Variants in ZNF280C observed in about 807,000 individuals in gnomAD.
The protein encoded by ZNF280C is suppressor of hairy wing homolog 3.
A neutral mutation model predicts 53.6 loss-of-function variants in ZNF280C; 14 were observed. The ratio of observed to expected loss-of-function variants is 0.26; its 90% confidence interval spans 0.17 to 0.41. The LOEUF (loss-of-function observed/expected upper bound fraction) is 0.41, where lower values mean the gene tolerates loss of function less well. Among genes scored for constraint, ZNF280C ranks in the 10% least tolerant of loss-of-function variants. The pLI is 1.00. For missense variants in ZNF280C, 416 were observed against 547.1 expected, an observed-to-expected ratio of 0.76 and a Z score of 2.39; for synonymous variants, 203 against 181.1, an observed-to-expected ratio of 1.12 and a Z score of -0.97.
intron 8 of ZNF280C, among the ~76,000 whole-genome samples, chrX:130,232,805 A>AT (rs1193391100): frequency 8.9e-6 from 1 of 112,170 alleles, no homozygotes; most frequent in Non-Finnish European, 1.9e-5. Flanking sequence ...TAGAACTACC[A>AT]TATGATCCAG....
intron 1 of ZNF280C, among the ~76,000 whole-genome samples, chrX:130,263,778 G>A (rs2032656044): frequency 9.0e-6 from 1 of 111,000 alleles, no homozygotes; most frequent in South Asian, 3.8e-4. Flanking sequence ...TGTAATCCCA[G>A]CACTTTGGGA....
intron 5 of ZNF280C, among the ~76,000 whole-genome samples, chrX:130,243,106 A>G (rs888251229): frequency 8.9e-6 from 1 of 112,345 alleles, no homozygotes; most frequent in Non-Finnish European, 1.9e-5. Flanking sequence ...GAGTTATATC[A>G]TAAAGATGGG....
At chrX:130,230,348 T>C (rs1404002893) in intron 9 of ZNF280C, among the ~76,000 whole-genome samples, 162 bp downstream of exon 9, 1 of 111,654 alleles carries the variant, frequency 9.0e-6, no homozygotes, top group Non-Finnish European at 1.9e-5. Context: ...ACTCTTAAAA[T>C]ACAAGAAGGA....
chrX:130,219,486 C>CAA lies in ZNF280C; in HGVS notation c.1527+861_1527+862dup, dbSNP rs11299878. On this transcript the variant is annotated intron_variant, in intron 13 of 18. Coordinates refer to ENST00000370978, the MANE Select transcript of ZNF280C (RefSeq NM_017666.5). ...TGAGGGATAGAGTGAGACTCTGTCTCAAAAAAAAAAAAAAAAAAAAAAAAA... is the reference window on the plus strand; with the variant it reads ...TGAGGGATAGAGTGAGACTCTGTCTCAAAAAAAAAAAAAAAAAAAAAAAAAAA... Among the ~76,000 whole-genome samples the CAA allele has an allele frequency of 1.9e-3, 61 of 32,750 alleles. 3 individuals are homozygous for CAA. Among genetic ancestry groups the CAA allele is most frequent in the African/African-American group, 8.4e-3 (58 of 6,899 alleles). 28.4% of individuals were successfully genotyped at this position (32,750 alleles called of 115,157 possible).
chrX:130,246,831 C>T (rs886680028), intron 3 of ZNF280C, 28 bp downstream of exon 3: 15 of 1,199,200 alleles, frequency 1.3e-5, no homozygotes, highest in Non-Finnish European at 1.3e-5. Context: ...TCTTATGAAA[C>T]GTTACTTCAC....
intron 2 of ZNF280C, among the ~76,000 whole-genome samples, chrX:130,248,856 G>A (rs1436799350): frequency 1.8e-5 from 2 of 112,485 alleles, no homozygotes; most frequent in African/African-American, 6.5e-5. Context: ...CACTTTGCCA[G>A]TCAGTGCGTA....
chrX:130,239,523 C>T, intron 6 of ZNF280C, 59 bp downstream of exon 6: 1 of 678,272 alleles, frequency 1.5e-6, no homozygotes, highest in Non-Finnish European at 2.3e-6. Context: ...AATTCAATTC[C>T]ATATGTATAT....
intron 3 of ZNF280C, among the ~76,000 whole-genome samples, chrX:130,244,555 A>G (rs1026927242): frequency 1.8e-5 from 2 of 110,518 alleles, no homozygotes; most frequent in African/African-American, 6.6e-5. Flanking sequence ...AGGCGGGCAG[A>G]TCATGAGGTC....
chrX:130,240,371 G>C lies in ZNF280C; in HGVS notation c.382-678C>G, dbSNP rs903096581. ...CAAAATACAGTATATATTCTTCCCT[G>C]TCTCTTTTCTAACCTATCCCTCCTT... On this transcript the variant is annotated intron_variant, in intron 5 of 18. Transcript: ENST00000370978. 2.7e-5 allele frequency among the ~76,000 whole-genome samples: 3 copies of C among 110,954 alleles called. No individual in the cohort carries two copies. In the Admixed American group the frequency reaches 2.9e-4, roughly 11 times the overall value.
intron 12 of ZNF280C, among the ~76,000 whole-genome samples, chrX:130,225,032 A>T (rs1569434174): frequency 8.9e-6 from 1 of 111,806 alleles, no homozygotes. Flanking sequence ...CCTGTTGGGT[A>T]ACTCTTTCCA....
At chrX:130,245,666 A>C (rs1375193047) in intron 3 of ZNF280C, among the ~76,000 whole-genome samples, 1 of 112,231 alleles carries the variant, frequency 8.9e-6, no homozygotes, top group Non-Finnish European at 1.9e-5. Context: ...TATGCTGGCT[A>C]CATTCCTTGA....
At chrX:130,232,551 AGAC>A (rs1238250538) in intron 8 of ZNF280C, among the ~76,000 whole-genome samples, 3 of 111,585 alleles carry the variant, frequency 2.7e-5, no homozygotes, top group African/African-American at 6.5e-5. Flanking sequence ...AATAGACAAA[AGAC>A]GACTTATGAG....
intron 1 of ZNF280C, among the ~76,000 whole-genome samples, chrX:130,263,408 A>G (rs944476707): frequency 1.8e-5 from 2 of 112,547 alleles, no homozygotes; most frequent in African/African-American, 6.5e-5. Flanking sequence ...ATGTTACAAT[A>G]CTAATGGGCC....
At chrX:130,264,878 T>C (rs1400603230) in intron 1 of ZNF280C, among the ~76,000 whole-genome samples, 3 of 111,749 alleles carry the variant, frequency 2.7e-5, no homozygotes, top group African/African-American at 6.5e-5. Context: ...TGTGAAATGT[T>C]TTTCTTATAA....
At chrX:130,248,228 C>T (rs1443111852) in intron 2 of ZNF280C, among the ~76,000 whole-genome samples, 1 of 103,248 alleles carries the variant, frequency 9.7e-6, no homozygotes, top group Non-Finnish European at 2.0e-5. Context: ...AGGGAAGACA[C>T]AGAAGCTAGA....
intron 9 of ZNF280C, among the ~76,000 whole-genome samples, chrX:130,230,122 A>AG (rs1177204851): frequency 8.9e-6 from 1 of 111,836 alleles, no homozygotes; most frequent in African/African-American, 3.2e-5. Context: ...GCTTTAAATA[A>AG]GGTTAGTATG....
intron 6 of ZNF280C, among the ~76,000 whole-genome samples, chrX:130,236,912 T>C (rs1335270301): frequency 9.0e-6 from 1 of 110,986 alleles, no homozygotes; most frequent in Non-Finnish European, 1.9e-5. Context: ...ACCCAAATTC[T>C]AAAAATGCTT....
At chrX:130,267,303 AAAATAT>A (rs2124720897) in intron 1 of ZNF280C, among the ~76,000 whole-genome samples, 1 of 111,863 alleles carries the variant, frequency 8.9e-6, no homozygotes, top group East Asian at 2.8e-4. Flanking sequence ...CTTAAAAATA[AAAATAT>A]AAAGGAAAAA....
At chrX:130,229,681 C>T (rs2032257858) in intron 9 of ZNF280C, among the ~76,000 whole-genome samples, 1 of 112,173 alleles carries the variant, frequency 8.9e-6, no homozygotes, top group Non-Finnish European at 1.9e-5. Flanking sequence ...TCTAATTATA[C>T]TGGCTTACTG....
Sources: gnomAD v4.1 joint callset for allele counts (sites outside exome capture counted in the v4.1 genomes callset) on GRCh38, gnomAD v4.1.1 for gene constraint, MANE v1.5 for transcripts, NCBI Gene and HGNC (gene_info 2026-07-23, HGNC 2026-07-21) for gene names.